AGBL4: variants seen among roughly 807,000 people sequenced by gnomAD.
The protein encoded by AGBL4 is AGBL carboxypeptidase 4, also known as cytosolic carboxypeptidase 6.
In AGBL4, 58 loss-of-function variants were observed where a neutral mutation model predicts 66.4. The ratio of observed to expected loss-of-function variants is 0.87; its 90% CI spans 0.71 to 1.09. The LOEUF is 1.09. Ranked by LOEUF, AGBL4 falls within the 50% of genes least tolerant of loss-of-function variation. AGBL4 has a pLI of 0.00. For synonymous variants in AGBL4, 234 were observed against 222.9 expected, an observed-to-expected ratio of 1.05 and a Z score of -0.44; for missense variants, 579 against 631.0, an observed-to-expected ratio of 0.92 and a Z score of 0.88.
chr1:49,899,065 A>G (rs1649506357), intron 1 of AGBL4, among the ~76,000 whole-genome samples: 1 of 152,214 alleles, frequency 6.6e-6, no homozygotes, highest in Non-Finnish European at 1.5e-5. Context: ...ATTTGGTAGT[A>G]CAACAGAGGG....
chr1:49,195,659 C>T (rs56297564), intron 4 of AGBL4, among the ~76,000 whole-genome samples: 2,999 of 152,140 alleles, frequency 0.02, 72 homozygotes, highest in African/African-American at 0.06. Flanking sequence ...ATGTATTTTC[C>T]GGGTGATCTT....
chr1:49,928,439 T>C (rs889808814), intron 1 of AGBL4, among the ~76,000 whole-genome samples: 2 of 151,836 alleles, frequency 1.3e-5, no homozygotes, highest in African/African-American at 4.8e-5. Flanking sequence ...TTAGTATAGA[T>C]AGGGTTTCCC....
intron 3 of AGBL4, among the ~76,000 whole-genome samples, chr1:49,256,077 C>T (rs532398303): frequency 6.6e-6 from 1 of 151,996 alleles, no homozygotes; most frequent in Non-Finnish European, 1.5e-5. Context: ...ATCTGAGTGA[C>T]AAAATAATCT....
In AGBL4 at chr1:48,911,619, C is replaced by CAA. The variant is rs746193402; in HGVS notation, c.595-44391_595-44390dup. On this transcript the variant is annotated intron_variant, in intron 5 of 13. Transcript: ENST00000371839. ...TGGATGACTGAGCAAAACTCCGTCTCAAAAAAAAAAAAAAAAAAAATCATA... is the reference window on the plus strand; with the variant it reads ...TGGATGACTGAGCAAAACTCCGTCTCAAAAAAAAAAAAAAAAAAAAAATCATA... 2.8e-3 allele frequency among the ~76,000 whole-genome samples: 196 copies of CAA among 70,242 alleles called. 2 individuals carry two copies. The highest frequency in any genetic ancestry group is 9.0e-3 in the African/African-American group (182 of 20,148). The allele number at this position is 70,242 out of a possible 152,430, so 46.1% of individuals were successfully genotyped here. A position where few individuals can be genotyped will look rare whatever the true frequency, so the allele number is the denominator to read the frequency against.
intron 1 of AGBL4, among the ~76,000 whole-genome samples, chr1:49,942,559 G>T (rs1654859938): frequency 6.6e-6 from 1 of 151,862 alleles, no homozygotes; most frequent in East Asian, 1.9e-4. Flanking sequence ...GTTCAACAAA[G>T]GTGTCAAGAA....
intron 3 of AGBL4, among the ~76,000 whole-genome samples, chr1:49,691,941 A>C (rs767612646): frequency 5.9e-5 from 9 of 152,108 alleles, no homozygotes; most frequent in Non-Finnish European, 1.0e-4. Context: ...CAGATGGCCT[A>C]TTGTGGGACC....
intron 3 of AGBL4, among the ~76,000 whole-genome samples, chr1:49,282,554 C>T (rs1644298307): frequency 6.6e-6 from 1 of 152,212 alleles, no homozygotes; most frequent in Non-Finnish European, 1.5e-5. Flanking sequence ...CGGTCTACAG[C>T]TCCCAGCGTG....
Position 48,841,400 on chromosome 1 carries a change from ACCC to A in AGBL4, c.634+25788_634+25790del, listed in dbSNP as rs35019022. On this transcript the variant is annotated intron_variant, in intron 6 of 13. Transcript: ENST00000371839. ...TATTCAAACTATCTCTTACTACAAA[ACCC>A]CCCCCCCCCAAAAAAAAAGAAGAGA... 2.1e-3 allele frequency among the ~76,000 whole-genome samples: 218 copies of A among 103,374 alleles called. 2 individuals are homozygous for A. The highest frequency in any genetic ancestry group is 2.3e-3 in the Non-Finnish European group (128 of 55,086). 67.8% of individuals were successfully genotyped at this position (103,374 alleles called of 152,430 possible).
intron 6 of AGBL4, among the ~76,000 whole-genome samples, chr1:48,697,279 G>A (rs1246835617): frequency 1.3e-5 from 2 of 152,106 alleles, no homozygotes; most frequent in African/African-American, 4.8e-5. Context: ...AAAATGCCCC[G>A]TGCTGCCACC....
At chr1:48,803,894 G>A (rs145495843) in intron 6 of AGBL4, among the ~76,000 whole-genome samples, 1,727 of 152,232 alleles carry the variant, frequency 0.011, 34 homozygotes, top group African/African-American at 0.04. Context: ...CTTAGGCTCT[G>A]GAATGATATT....
chr1:48,723,243 T>C (rs1647179755), intron 6 of AGBL4, among the ~76,000 whole-genome samples: 1 of 152,212 alleles, frequency 6.6e-6, no homozygotes, highest in Non-Finnish European at 1.5e-5. Context: ...AGAATTTGAA[T>C]GACTTTGAAA....
chr1:49,096,095 T>C lies in AGBL4; in HGVS notation c.378-50295A>G, dbSNP rs1355987094. On this transcript the variant is annotated intron_variant, in intron 4 of 13. Coordinates refer to ENST00000371839, the MANE Select transcript of AGBL4 (RefSeq NM_032785.4). ...CAACAGACACATGAAAAAATGCTCA[T>C]CATCACTGGCCATCAGAGAAATGCA... Among the ~76,000 whole-genome samples the C allele has an allele frequency of 7.9e-5, 12 of 151,284 alleles. No homozygotes were observed. The South Asian group carries it at 1.3e-3, about 16-fold the overall frequency.
chr1:49,832,817 G>A (rs1267573744), intron 2 of AGBL4, among the ~76,000 whole-genome samples: 17 of 152,210 alleles, frequency 1.1e-4, no homozygotes, highest in African/African-American at 1.7e-4. Context: ...GTCTGTTCAT[G>A]TCCTTTGCCC....
intron 6 of AGBL4, among the ~76,000 whole-genome samples, chr1:48,714,130 C>G (rs1647010216): frequency 6.6e-6 from 1 of 152,038 alleles, no homozygotes; most frequent in Admixed American, 6.5e-5. Flanking sequence ...CCCTGAGAGG[C>G]CCTCACTTCA....
intron 6 of AGBL4, among the ~76,000 whole-genome samples, chr1:48,747,773 G>A (rs1216461856): frequency 6.6e-6 from 1 of 152,128 alleles, no homozygotes; most frequent in Non-Finnish European, 1.5e-5. Context: ...GACTAATGCT[G>A]TTCTTTCTGA....
chr1:49,837,617 C>T (rs964120590), intron 2 of AGBL4, among the ~76,000 whole-genome samples: 1 of 152,140 alleles, frequency 6.6e-6, no homozygotes, highest in African/African-American at 2.4e-5. Context: ...GAGGCCAAGG[C>T]GGGTGGATCA....
chr1:49,080,734 A>G (rs536924675), intron 4 of AGBL4, among the ~76,000 whole-genome samples: 1 of 152,320 alleles, frequency 6.6e-6, no homozygotes, highest in South Asian at 2.1e-4. Flanking sequence ...CTAAATTGCC[A>G]TATTGTATGT....
chr1:49,853,372 C>T (rs572961848), intron 1 of AGBL4, among the ~76,000 whole-genome samples: 1 of 152,078 alleles, frequency 6.6e-6, no homozygotes, highest in African/African-American at 2.4e-5. Flanking sequence ...ATGCATTCAT[C>T]AGTACACTTG....
At chr1:49,561,743 T>C (rs1458402538) in intron 3 of AGBL4, among the ~76,000 whole-genome samples, 1 of 152,176 alleles carries the variant, frequency 6.6e-6, no homozygotes, top group Non-Finnish European at 1.5e-5. Flanking sequence ...GTCTTTGCTA[T>C]TGTGAATAGC....
Sources: allele counts gnomAD v4.1 joint callset (sites outside exome capture counted in the v4.1 genomes callset), GRCh38; gene constraint gnomAD v4.1.1; transcripts MANE v1.5; gene names NCBI Gene and HGNC (gene_info 2026-07-23, HGNC 2026-07-21).